FBXO4: variants seen among roughly 807,000 people sequenced by gnomAD.
FBXO4 encodes the protein F-box protein 4.
FBXO4 carries 36 observed loss-of-function variants against 43.7 expected under a neutral mutation model. The ratio of observed to expected loss-of-function variants is 0.82; its 90% CI spans 0.63 to 1.09. FBXO4 has a LOEUF of 1.09. Ranked by LOEUF, FBXO4 falls within the 50% of genes least tolerant of loss-of-function variation. FBXO4 has a pLI of 0.00. For synonymous variants in FBXO4, 180 were observed against 165.6 expected, an observed-to-expected ratio of 1.09 and a Z score of -0.67; for missense variants, 435 against 474.1, an observed-to-expected ratio of 0.92 and a Z score of 0.77.
Position 41,925,419 on chromosome 5 carries a change from C to T in FBXO4, c.110C>T (p.Ser37Leu). 1 of 1,383,728 alleles carries T rather than the reference C, an allele frequency of 7.2e-7. No individual in the cohort carries two copies. 85.7% of individuals were successfully genotyped at this position (1,383,728 alleles called of 1,614,324 possible). Residue 37 changes from serine (S) to leucine (L), a missense_variant, in exon 1 of 7, where the codon TCA becomes TTA. Transcript: ENST00000281623. ...AGCGGCTGGAAGACCTTCTGGCAGT[C>T]AGTGAGCAAGGAGAGGGTGGCGCGT... ...ILSGWKTFWQ[S>L]VSKERVARTT... is the part of the protein sequence containing the mutation.
At chr5:41,970,170 G>A in the FBXO4 span, among the ~76,000 whole-genome samples, 23 of 152,046 alleles carry the variant, frequency 1.5e-4, no homozygotes, top group Middle Eastern at 3.4e-3. Flanking sequence ...TTCTCAATTA[G>A]CACTTATAGA....
the FBXO4 span, among the ~76,000 whole-genome samples, chr5:41,974,718 T>C: frequency 6.6e-6 from 1 of 152,246 alleles, no homozygotes; most frequent in African/African-American, 2.4e-5. Flanking sequence ...TTATTTTAAA[T>C]TTCCTGTCAT....
chr5:41,930,838 A>G (rs1400943357), intron 3 of FBXO4, among the ~76,000 whole-genome samples: 1 of 152,016 alleles, frequency 6.6e-6, no homozygotes, highest in Non-Finnish European at 1.5e-5. Flanking sequence ...TGGTATTTTT[A>G]GTAGAGACGG....
chr5:41,988,905 C>T, the FBXO4 span, among the ~76,000 whole-genome samples: 1 of 152,076 alleles, frequency 6.6e-6, no homozygotes, highest in Non-Finnish European at 1.5e-5. Context: ...GATCTGAAAA[C>T]AAAATTATCA....
At chr5:41,998,394 G>A in the FBXO4 span, among the ~76,000 whole-genome samples, 1 of 152,164 alleles carries the variant, frequency 6.6e-6, no homozygotes, top group African/African-American at 2.4e-5. Context: ...GGGATGAGTA[G>A]GTCTAAAGTC....
the FBXO4 span, among the ~76,000 whole-genome samples, chr5:41,978,439 A>G: frequency 1.3e-5 from 2 of 152,372 alleles, no homozygotes; most frequent in South Asian, 4.1e-4. Context: ...AATGAAGAAA[A>G]TATAGAAAGA....
At chr5:42,004,567 GA>G in the FBXO4 span, among the ~76,000 whole-genome samples, 1 of 152,096 alleles carries the variant, frequency 6.6e-6, no homozygotes, top group Non-Finnish European at 1.5e-5. Flanking sequence ...ATTAGGACTG[GA>G]AAAAAATTAT....
the FBXO4 span, among the ~76,000 whole-genome samples, chr5:41,981,233 A>C: frequency 6.6e-6 from 1 of 152,096 alleles, no homozygotes; most frequent in Admixed American, 6.6e-5. Flanking sequence ...GTATGATTTA[A>C]TTTGGTGGCA....
chr5:42,033,935 C>T, the FBXO4 span, among the ~76,000 whole-genome samples: 1 of 152,216 alleles, frequency 6.6e-6, no homozygotes, highest in Non-Finnish European at 1.5e-5. Flanking sequence ...GGAATCACCA[C>T]ACTGTATTCA....
the FBXO4 span, among the ~76,000 whole-genome samples, chr5:42,016,693 A>C: frequency 6.6e-6 from 1 of 152,042 alleles, no homozygotes; most frequent in Non-Finnish European, 1.5e-5. Context: ...TGAAATTTTA[A>C]AAAGCTTTAT....
At chr5:42,038,344 CATTAAACG>C in the FBXO4 span, among the ~76,000 whole-genome samples, 2 of 152,092 alleles carry the variant, frequency 1.3e-5, no homozygotes, top group Non-Finnish European at 2.9e-5. Flanking sequence ...ATCTTGTTTT[CATTAAACG>C]ATTGTTTCCA....
chr5:42,036,751 A>G, the FBXO4 span, among the ~76,000 whole-genome samples: 15 of 152,248 alleles, frequency 9.9e-5, no homozygotes, highest in South Asian at 1.5e-3. Flanking sequence ...CAGAGATAGG[A>G]GCAAAATATA....
At chr5:41,957,557 A>G in the FBXO4 span, among the ~76,000 whole-genome samples, 32 of 150,818 alleles carry the variant, frequency 2.1e-4, no homozygotes, top group African/African-American at 7.5e-4. Flanking sequence ...ATAATTATGT[A>G]TCTATTATTT....
chr5:42,038,235 C>T, the FBXO4 span, among the ~76,000 whole-genome samples: 1 of 152,036 alleles, frequency 6.6e-6, no homozygotes, highest in South Asian at 2.1e-4. Context: ...ATTCTGTTCA[C>T]CACGAAGCAA....
At chr5:41,970,440 A>T in the FBXO4 span, among the ~76,000 whole-genome samples, 1 of 152,070 alleles carries the variant, frequency 6.6e-6, no homozygotes, top group South Asian at 2.1e-4. Context: ...AAAACCAGTT[A>T]TAAAATATGC....
At chr5:42,032,135 A>C in the FBXO4 span, among the ~76,000 whole-genome samples, 3 of 150,752 alleles carry the variant, frequency 2.0e-5, no homozygotes, top group Non-Finnish European at 4.4e-5. Flanking sequence ...GGAGTGACAC[A>C]ATCACCCCTG....
Position 41,932,473 on chromosome 5 carries a change from A to C in FBXO4, c.647-1473A>C, listed in dbSNP as rs570219143. ...GTGTGTTGCCTAGAATGATGACATGAGATGGTATGGCATAGCTTATTTAAA... is the reference window on the plus strand; with the variant it reads ...GTGTGTTGCCTAGAATGATGACATGCGATGGTATGGCATAGCTTATTTAAA... On this transcript the variant is annotated intron_variant, in intron 3 of 6. Coordinates refer to ENST00000281623, the MANE Select transcript of FBXO4 (RefSeq NM_012176.3). 2.3e-4 allele frequency among the ~76,000 whole-genome samples: 35 copies of C among 152,280 alleles called. No individual in the cohort carries two copies. In the South Asian group the frequency reaches 6.8e-3, roughly 30 times the overall value.
intron 2 of FBXO4, chr5:41,928,618 G>A (rs1467845342): frequency 1.3e-5 from 2 of 152,482 alleles, no homozygotes; most frequent in Non-Finnish European, 1.5e-5. Context: ...ACAGGCGTGA[G>A]CCACTGCGCC....
chr5:42,003,990 G>C, the FBXO4 span, among the ~76,000 whole-genome samples: 1 of 152,124 alleles, frequency 6.6e-6, no homozygotes, highest in Non-Finnish European at 1.5e-5. Flanking sequence ...GTCCATCAAT[G>C]ATAGACTGGA....
Sources: gnomAD v4.1 joint callset for allele counts (sites outside exome capture counted in the v4.1 genomes callset) on GRCh38, gnomAD v4.1.1 for gene constraint, MANE v1.5 for transcripts, NCBI Gene and HGNC (gene_info 2026-07-23, HGNC 2026-07-21) for gene names.